The following SLC30A3 variants were observed in gnomAD, a reference collection of about 807,000 sequenced individuals.
The protein encoded by SLC30A3 is solute carrier family 30 member 3, also known as probable proton-coupled zinc antiporter SLC30A3.
SLC30A3 carries 20 observed loss-of-function variants against 35.6 expected under a neutral mutation model. The observed-to-expected ratio is 0.56, with a 90% CI of 0.39 to 0.82. The LOEUF (loss-of-function observed/expected upper bound fraction) is 0.82, where lower values mean the gene tolerates loss of function less well. Among genes scored for constraint, SLC30A3 ranks in the 40% least tolerant of loss-of-function variants. SLC30A3 has a pLI of 0.00. For synonymous variants in SLC30A3, 217 were observed against 224.7 expected, an observed-to-expected ratio of 0.97 and a Z score of 0.31; for missense variants, 401 against 530.6, an observed-to-expected ratio of 0.76 and a Z score of 2.40.
rs985234208 is a variant in SLC30A3 at position 27,253,968 on chromosome 2, A to T, written c.*1344T>A. The T allele has an allele frequency of 6.6e-6, 1 of 152,238 alleles. No homozygotes were observed. The highest frequency in any genetic ancestry group is 1.9e-4 in the East Asian group (1 of 5,202). The allele number at this position is 152,238 out of a possible 1,614,324, so 9.4% of individuals were successfully genotyped here. A position where few individuals can be genotyped will look rare whatever the true frequency, so the allele number is the denominator to read the frequency against. ...GGCACAGGCCACTATGTCCAGCTTG[A>T]GTTTGATTTTTTTTAAAGAGAAAAT... On this transcript the variant is annotated 3_prime_UTR_variant, in exon 8 of 8. Transcript: ENST00000233535.
intron 1 of SLC30A3, among the ~76,000 whole-genome samples, chr2:27,274,111 C>T (rs1319410105): frequency 6.6e-6 from 1 of 152,322 alleles, no homozygotes; most frequent in East Asian, 1.9e-4. Context: ...TCACTGAGGT[C>T]AGGAGTTCGA....
rs771975701 is a variant in SLC30A3 at position 27,258,112 on chromosome 2, G to A, written c.424+49C>T. ...AGAGACCTGCTTGGGACCCTGACGG[G>A]TGCCCTCTGGCAAGATTGGAGAGTC... On this transcript the variant is annotated intron_variant, in intron 3 of 7. Coordinates refer to ENST00000233535, the MANE Select transcript of SLC30A3 (RefSeq NM_003459.5). The surrounding 1 kb of genome is among the most constrained non-coding windows in gnomAD (Gnocchi z 4.0). 6.8e-6 allele frequency: 11 copies of A among 1,608,120 alleles called. No individual in the cohort carries two copies. The highest frequency in any genetic ancestry group is 9.4e-6 in the Non-Finnish European group (11 of 1,175,366).
In SLC30A3 at chr2:27,255,247, C is replaced by T; in HGVS notation, c.*65G>A. On this transcript the variant is annotated 3_prime_UTR_variant, in exon 8 of 8. Transcript: ENST00000233535. This position sits in a 1 kb window ranked among gnomAD's most constrained non-coding sequence, Gnocchi z 5.2. ...CTCGGTCCCGTCTCTGTGATCAGGG[C>T]AGCAGATGCTGAGAGTCTGGGGCTG... 6.2e-7 allele frequency: 1 copy of T among 1,609,732 alleles called. No individual in the cohort carries two copies. The highest frequency in any genetic ancestry group is 8.5e-7 in the Non-Finnish European group (1 of 1,177,862).
Position 27,257,791 on chromosome 2 carries a change from G to T in SLC30A3, c.578+114C>A, listed in dbSNP as rs1676949800. The T allele has an allele frequency of 3.8e-6, 4 of 1,065,000 alleles. No individual in the cohort carries two copies. In the South Asian group the frequency reaches 6.0e-5, roughly 16 times the overall value. 66.0% of individuals were successfully genotyped at this position (1,065,000 alleles called of 1,614,324 possible). ...GCACACGCAGGGCAGCCCATGGAGA[G>T]CTGTGTGTGCGTGTCTGTGTGTCTG... On this transcript the variant is annotated intron_variant, in intron 4 of 7. Coordinates refer to ENST00000233535, the MANE Select transcript of SLC30A3 (RefSeq NM_003459.5). The surrounding 1 kb of genome is among the most constrained non-coding windows in gnomAD (Gnocchi z 4.7).
At chr2:27,275,651 C>G (rs1486493765), upstream of SLC30A3, 3 of 194,000 alleles carry the variant, frequency 1.5e-5, no homozygotes, top group African/African-American at 7.0e-5. Flanking sequence ...CTCGGTTCTC[C>G]TGGGCCGCAG....
At position 27,271,844 on chromosome 2, in the gene SLC30A3, T is replaced by TA. The variant is rs1388392378; in HGVS notation, c.-159+3332dup. Among the ~76,000 whole-genome samples, 1 of 152,236 alleles carries TA rather than the reference T, an allele frequency of 6.6e-6. No individual in the cohort carries two copies. The highest frequency in any genetic ancestry group is 6.5e-5 in the Admixed American group (1 of 15,284). On this transcript the variant is annotated intron_variant, in intron 1 of 5. Coordinates refer to the SLC30A3 transcript ENST00000424577. The surrounding 1 kb of genome is among the most constrained non-coding windows in gnomAD (Gnocchi z 4.3). Reference sequence around the variant, plus strand: ...ATTCAGAGCAGAGCCTCGCAAGACTTACAGATAACGGCTATTTCAAGAGCC... The same window carrying TA: ...ATTCAGAGCAGAGCCTCGCAAGACTTAACAGATAACGGCTATTTCAAGAGCC...
At chr2:27,263,770 G>C (rs555956202), upstream of SLC30A3, among the ~76,000 whole-genome samples, 9 of 145,408 alleles carry the variant, frequency 6.2e-5, 1 homozygote, top group African/African-American at 2.3e-4. Flanking sequence ...TTCCCTCCCC[G>C]GCTCTGGACG....
chr2:27,269,976 A>G (rs1231052780), intron 1 of SLC30A3, among the ~76,000 whole-genome samples: 1 of 152,228 alleles, frequency 6.6e-6, no homozygotes. Context: ...AGAGAACCAG[A>G]GAAATGTGCA....
intron 1 of SLC30A3, among the ~76,000 whole-genome samples, chr2:27,272,638 G>C (rs1572494782): frequency 1.3e-5 from 2 of 151,766 alleles, no homozygotes; most frequent in South Asian, 4.2e-4. Context: ...ATGTTGGCCA[G>C]ACTGGTCTTG....
chr2:27,266,795 G>A (rs1677514961), upstream of SLC30A3, among the ~76,000 whole-genome samples: 1 of 152,164 alleles, frequency 6.6e-6, no homozygotes, highest in Non-Finnish European at 1.5e-5. Flanking sequence ...TACTTGTGAG[G>A]CTGAGGCAGG....
At chr2:27,275,110 A>G (rs1677948853) in intron 1 of SLC30A3, 1 of 1,087,488 alleles carries the variant, frequency 9.2e-7, no homozygotes, top group East Asian at 5.9e-5. Context: ...CCAAGCGGAG[A>G]GCCCTAAGTC....
chr2:27,273,104 T>C (rs1677801739), intron 1 of SLC30A3, among the ~76,000 whole-genome samples: 1 of 150,718 alleles, frequency 6.6e-6, no homozygotes, highest in Admixed American at 6.6e-5. Flanking sequence ...TGTGTGTGTG[T>C]GTGTGTGTGT....
At chr2:27,266,094 CTG>C (rs1476377828), upstream of SLC30A3, among the ~76,000 whole-genome samples, 1 of 147,810 alleles carries the variant, frequency 6.8e-6, no homozygotes, top group African/African-American at 2.5e-5. Context: ...GGGTCTCACT[CTG>C]TTGCTCAGGC....
At chr2:27,256,630 C>G (rs1676873051) in intron 6 of SLC30A3, 110 bp from the exon 7 acceptor site, 3 of 1,463,362 alleles carry the variant, frequency 2.1e-6, no homozygotes, top group Non-Finnish European at 1.9e-6. Flanking sequence ...TCCTTTTGAC[C>G]CCTACAATTC....
In SLC30A3 at chr2:27,254,688, G is replaced by A. The variant is rs1006775734; in HGVS notation, c.*624C>T. The A allele has an allele frequency of 1.2e-5, 2 of 166,846 alleles. No homozygotes were observed. Among genetic ancestry groups the A allele is most frequent in the South Asian group, 1.5e-4 (1 of 6,614 alleles). 10.3% of individuals were successfully genotyped at this position (166,846 alleles called of 1,614,324 possible). A position where few individuals can be genotyped will look rare whatever the true frequency, so the allele number is the denominator to read the frequency against. On this transcript the variant is annotated 3_prime_UTR_variant, in exon 8 of 8. Transcript: ENST00000233535. The stretch of plus-strand genomic sequence containing the variant: ...GAGATAGACCCCCAAACAGACACAT[G>A]GATGGAGCAGACTCATAGAAACCAT...
intron 6 of SLC30A3, 23 bp from the exon 7 acceptor site, chr2:27,256,543 C>T (rs1676864988): frequency 6.2e-7 from 1 of 1,613,668 alleles, no homozygotes; most frequent in African/African-American, 1.3e-5. Flanking sequence ...CCAGTCATGC[C>T]TTACTGCTAG....
upstream of SLC30A3, chr2:27,275,497 A>G: frequency 6.0e-6 from 2 of 334,470 alleles, no homozygotes; most frequent in Non-Finnish European, 1.2e-5. Context: ...GCCGGTGTGA[A>G]GTTTCACACC....
At chr2:27,267,274 T>C (rs750422358), upstream of SLC30A3, among the ~76,000 whole-genome samples, 1 of 152,206 alleles carries the variant, frequency 6.6e-6, no homozygotes. Context: ...ATGGTCTCCA[T>C]GTTTCCATCC....
chr2:27,257,038 G>T lies in SLC30A3; in HGVS notation c.777+116C>A. On this transcript the variant is annotated intron_variant, in intron 5 of 7. Coordinates refer to ENST00000233535, the MANE Select transcript of SLC30A3 (RefSeq NM_003459.5). This position sits in a 1 kb window ranked among gnomAD's most constrained non-coding sequence, Gnocchi z 4.7. ...CATGACTCATGTCTGGGAGAGTCCT[G>T]GGAGGTGGGAGGGAGGAGCTGGAGG... 8.4e-7 allele frequency: 1 copy of T among 1,197,286 alleles called. No individual in the cohort carries two copies. Among genetic ancestry groups the T allele is most frequent in the East Asian group, 2.3e-5 (1 of 42,814 alleles). 74.2% of individuals were successfully genotyped at this position (1,197,286 alleles called of 1,614,324 possible). A position where few individuals can be genotyped will look rare whatever the true frequency, so the allele number is the denominator to read the frequency against.
Sources: allele counts gnomAD v4.1 joint callset (sites outside exome capture counted in the v4.1 genomes callset), GRCh38; gene constraint gnomAD v4.1.1; non-coding constraint Gnocchi (gnomAD v3.1); transcripts MANE v1.5; gene names NCBI Gene and HGNC (gene_info 2026-07-23, HGNC 2026-07-21).